Variants in ASAP1 observed in about 807,000 individuals in gnomAD.
ASAP1 encodes the protein arf-GAP with SH3 domain, ANK repeat and PH domain-containing protein 1.
A neutral mutation model predicts 145.2 loss-of-function variants in ASAP1; 43 were observed. That is an observed-to-expected ratio of 0.30 (90% CI 0.23 to 0.38). ASAP1 has a LOEUF of 0.38. Ranked by LOEUF, ASAP1 falls within the 10% of genes least tolerant of loss-of-function variation. The pLI, the probability that ASAP1 is intolerant of heterozygous loss-of-function variation, is 1.00. For synonymous variants in ASAP1, 546 were observed against 515.5 expected (o/e 1.06, Z -0.80); for missense variants, 1,018 against 1,355.3 (o/e 0.75, Z 3.91).
intron 5 of ASAP1, among the ~76,000 whole-genome samples, chr8:130,192,029 T>G (rs1342807949): frequency 2.6e-5 from 4 of 151,940 alleles, no homozygotes; most frequent in Non-Finnish European, 4.4e-5. Flanking sequence ...GCTTCTCTGG[T>G]GACACACATC....
At chr8:130,276,895 C>T (rs1820946769) in intron 3 of ASAP1, among the ~76,000 whole-genome samples, 1 of 152,120 alleles carries the variant, frequency 6.6e-6, no homozygotes, top group Admixed American at 6.6e-5. Flanking sequence ...CAGGAGCGGT[C>T]TTGGCAGACA....
chr8:130,189,823 T>C (rs1815013682), intron 5 of ASAP1, among the ~76,000 whole-genome samples: 1 of 152,234 alleles, frequency 6.6e-6, no homozygotes, highest in Non-Finnish European at 1.5e-5. Context: ...CATCCATTAC[T>C]GTTTTTTTTA....
Position 130,060,877 on chromosome 8 carries a change from T to C in ASAP1, c.2894A>G (p.Lys965Arg), listed in dbSNP as rs2097417963. The part of the protein sequence containing the change: ...LPPKPGELPP[K>R]PQLGDLPPKP... ...GGGTGGCAGGTCCCCCAGCTGTGGTTTGGGGGGCAGTTCTCCTGGCTTAGG... is the reference window on the plus strand; with the variant it reads ...GGGTGGCAGGTCCCCCAGCTGTGGTCTGGGGGGCAGTTCTCCTGGCTTAGG... Residue 965 changes from lysine to arginine, a missense_variant, in exon 28 of 30, where the codon AAA becomes AGA. Lys to Arg is a conservative substitution (Grantham distance 26). Transcript: ENST00000518721. 3.7e-6 allele frequency: 6 copies of C among 1,613,732 alleles called. No homozygotes were observed. Among genetic ancestry groups the C allele is most frequent in the Non-Finnish European group, 4.2e-6 (5 of 1,179,890 alleles).
At position 130,402,849 on chromosome 8, in the gene ASAP1, T is replaced by C. The variant is rs180958737; in HGVS notation, c.-27-879A>G. Among the ~76,000 whole-genome samples the C allele has an allele frequency of 4.0e-5, 6 of 151,730 alleles. No homozygotes were observed. In the East Asian group the frequency reaches 1.2e-3, roughly 29 times the overall value. On this transcript the variant is annotated intron_variant, in intron 1 of 29. Transcript: ENST00000518721. ...GCCACTGCAGCTGCCTCCTAACTGATCTCCCCTCATCACCATTTCTCCCTC... is the reference window on the plus strand; with the variant it reads ...GCCACTGCAGCTGCCTCCTAACTGACCTCCCCTCATCACCATTTCTCCCTC...
intron 25 of ASAP1, among the ~76,000 whole-genome samples, chr8:130,080,926 C>A (rs1462395018): frequency 6.6e-6 from 1 of 152,192 alleles, no homozygotes. Flanking sequence ...AGCCACCATA[C>A]CCGGCCAAGT....
chr8:130,181,743 C>T (rs1029163043), intron 7 of ASAP1, among the ~76,000 whole-genome samples: 36 of 152,158 alleles, frequency 2.4e-4, no homozygotes, highest in African/African-American at 8.4e-4. Context: ...CGCTAGTGCT[C>T]GGCTCTGATA....
intron 12 of ASAP1, among the ~76,000 whole-genome samples, chr8:130,157,239 C>G (rs1460777890): frequency 6.6e-6 from 1 of 152,204 alleles, no homozygotes; most frequent in Admixed American, 6.5e-5. Context: ...CAGTTTAAAT[C>G]TGTGAATTGT....
intron 3 of ASAP1, among the ~76,000 whole-genome samples, chr8:130,257,556 T>C (rs1438193099): frequency 6.6e-6 from 1 of 152,194 alleles, no homozygotes; most frequent in Non-Finnish European, 1.5e-5. Context: ...TACTTAAATT[T>C]GAGTAATATT....
intron 2 of ASAP1, among the ~76,000 whole-genome samples, chr8:130,371,207 T>C (rs1419189865): frequency 2.6e-5 from 4 of 152,192 alleles, no homozygotes; most frequent in Non-Finnish European, 2.9e-5. Flanking sequence ...AAAGTAGCTA[T>C]TATTCTCCTC....
intron 27 of ASAP1, among the ~76,000 whole-genome samples, chr8:130,072,825 G>GTGTGTGCGTGTGCGCGCGCGCGCGCGCA: frequency 1.8e-5 from 1 of 54,098 alleles, no homozygotes; most frequent in African/African-American, 9.1e-5. Flanking sequence ...GTGTGTGTGT[G>GTGTGTGCGTGTGCGCGCGCGCGCGCGCA]CGCGCGGGGG....
At chr8:130,246,149 C>T (rs56285703) in intron 3 of ASAP1, among the ~76,000 whole-genome samples, 4,000 of 151,862 alleles carry the variant, frequency 0.026, 63 homozygotes, top group Middle Eastern at 0.044. Context: ...AAGCCATTTG[C>T]GGTGAAGGGC....
At chr8:130,319,562 C>G (rs1179381043) in intron 3 of ASAP1, among the ~76,000 whole-genome samples, 1 of 152,136 alleles carries the variant, frequency 6.6e-6, no homozygotes, top group African/African-American at 2.4e-5. Flanking sequence ...CCTACCTTAT[C>G]CGTGAAGATG....
At chr8:130,178,222 A>G (rs1814100315) in intron 9 of ASAP1, among the ~76,000 whole-genome samples, 1 of 152,230 alleles carries the variant, frequency 6.6e-6, no homozygotes, top group Non-Finnish European at 1.5e-5. Flanking sequence ...TGCTTATGAG[A>G]GCTGTCCATT....
At chr8:130,397,144 G>GTTA (rs36094124) in intron 2 of ASAP1, among the ~76,000 whole-genome samples, 6,798 of 152,008 alleles carry the variant, frequency 0.045, 158 homozygotes, top group Middle Eastern at 0.075. Flanking sequence ...TGAGAATTTT[G>GTTA]TTGTTGTTGT....
chr8:130,138,279 A>C (rs1350378442), intron 13 of ASAP1, among the ~76,000 whole-genome samples: 1 of 152,190 alleles, frequency 6.6e-6, no homozygotes, highest in Non-Finnish European at 1.5e-5. Context: ...CTATGATTTC[A>C]ATGAGATTAA....
chr8:130,299,132 C>T (rs769020440), intron 3 of ASAP1, among the ~76,000 whole-genome samples: 1 of 152,038 alleles, frequency 6.6e-6, no homozygotes, highest in African/African-American at 2.4e-5. Context: ...GCCCGTGTGT[C>T]CGTGCCTCTG....
Position 130,054,717 on chromosome 8 carries a change from G to A in ASAP1, c.*14C>T. On this transcript the variant is annotated 3_prime_UTR_variant, in exon 30 of 30. Coordinates refer to ENST00000518721, the MANE Select transcript of ASAP1 (RefSeq NM_018482.4). ...GCATGAAGGATGTGGACAATCTTAAGGTTCTGCGTTTTGCTAGTCAGACAG... is the reference window on the plus strand; with the variant it reads ...GCATGAAGGATGTGGACAATCTTAAAGTTCTGCGTTTTGCTAGTCAGACAG... 1 of 1,609,758 alleles carries A rather than the reference G, an allele frequency of 6.2e-7. No individual in the cohort carries two copies.
At chr8:130,267,696 T>C (rs1820342985) in intron 3 of ASAP1, among the ~76,000 whole-genome samples, 1 of 152,214 alleles carries the variant, frequency 6.6e-6, no homozygotes, top group Non-Finnish European at 1.5e-5. Context: ...AGCATTGTGG[T>C]CAGGGTGGAA....
intron 27 of ASAP1, among the ~76,000 whole-genome samples, chr8:130,069,848 T>C (rs2097438656): frequency 6.6e-6 from 1 of 152,136 alleles, no homozygotes; most frequent in African/African-American, 2.4e-5. Flanking sequence ...CTAATCAAAA[T>C]AAAGATTGAC....
Sources: allele counts gnomAD v4.1 joint callset (sites outside exome capture counted in the v4.1 genomes callset), GRCh38; gene constraint gnomAD v4.1.1; transcripts MANE v1.5; gene names NCBI Gene and HGNC (gene_info 2026-07-23, HGNC 2026-07-21).